The following CD300LD variants were observed in gnomAD, a reference collection of about 807,000 sequenced individuals.
CD300LD encodes CMRF35-like molecule 5.
A neutral mutation model predicts 20.3 loss-of-function variants in CD300LD; 18 were observed. That is an observed-to-expected ratio of 0.89 (90% CI 0.61 to 1.32). CD300LD has a LOEUF of 1.32. CD300LD is among the 40% of genes most tolerant of loss of function. The pLI is 0.00. For missense variants in CD300LD, 195 were observed against 226.6 expected (o/e 0.86, Z 0.90); for synonymous variants, 104 against 90.1 (o/e 1.15, Z -0.87).
In CD300LD at chr17:74,579,758, G is replaced by A; in HGVS notation, c.*244C>T. 3.7e-6 allele frequency: 1 copy of A among 269,346 alleles called. No homozygotes were observed. The highest frequency in any genetic ancestry group is 7.3e-6 in the Non-Finnish European group (1 of 137,858). The allele number at this position is 269,346 out of a possible 1,614,324, so 16.7% of individuals were successfully genotyped here. ...AAATTAGCTGGGGGTGGTGGCATGT[G>A]CCTGTAGCCCCAGCTACTCTGGAGG... On this transcript the variant is annotated 3_prime_UTR_variant, in exon 4 of 4. Transcript: ENST00000375352.
Position 74,591,250 on chromosome 17 carries a change from CAA to C in CD300LD, c.40+911_40+912del, listed in dbSNP as rs1210132799. Among the ~76,000 whole-genome samples, 12 of 33,898 alleles carry C rather than the reference CAA, an allele frequency of 3.5e-4. No homozygotes were observed. In the South Asian group the frequency reaches 8.3e-3, roughly 23 times the overall value. The allele number at this position is 33,898 out of a possible 152,430, so 22.2% of individuals were successfully genotyped here. ...GCATGAAAGTGAGTCCTCATCTCTA[CAA>C]AAAAAAAAAAAATAAAAATAATAAT... On this transcript the variant is annotated intron_variant, in intron 1 of 3. Transcript: ENST00000375352.
chr17:74,586,375 C>T (rs186339395), intron 2 of CD300LD, among the ~76,000 whole-genome samples: 239 of 152,234 alleles, frequency 1.6e-3, no homozygotes, highest in African/African-American at 5.5e-3. Flanking sequence ...TACCGTCAGA[C>T]CTTTGGGCAG....
rs763882457 is a variant in CD300LD, at chr17:74,582,281, G to T, written c.410C>A (p.Thr137Asn). 66 of 1,613,686 alleles carry T rather than the reference G, an allele frequency of 4.1e-5. No homozygotes were observed. The Middle Eastern group carries it at 9.9e-4, about 24-fold the overall frequency. The change falls in exon 3 of 4, where the codon ACC becomes AAC. Residue 137 changes from threonine to asparagine, a missense_variant. Thr to Asn is a moderately conservative substitution (Grantham distance 65). Transcript: ENST00000375352. Reference protein sequence around the residue: ...GTQTAVSEWTTTTASLAFTAA... With the variant: ...GTQTAVSEWTNTTASLAFTAA... ...TGTGAAAGCCAGGCTTGCTGTTGTGGTTGTCCATTCTGAGACTGCAGTTTG... is the reference window on the plus strand; with the variant it reads ...TGTGAAAGCCAGGCTTGCTGTTGTGTTTGTCCATTCTGAGACTGCAGTTTG...
chr17:74,587,595 A>G (rs2030194887), intron 2 of CD300LD, among the ~76,000 whole-genome samples: 1 of 152,106 alleles, frequency 6.6e-6, no homozygotes, highest in Non-Finnish European at 1.5e-5. Flanking sequence ...TCTTAATATT[A>G]TCTGTGTTCT....
chr17:74,592,020 A>G, intron 1 of CD300LD, 143 bp downstream of exon 1: 1 of 1,568,264 alleles, frequency 6.4e-7, no homozygotes, highest in Non-Finnish European at 8.7e-7. Flanking sequence ...CAAAAACTTG[A>G]TTGCTATTTA....
chr17:74,587,137 G>A (rs55889138), intron 2 of CD300LD, among the ~76,000 whole-genome samples: 10,138 of 149,524 alleles, frequency 0.068, 458 homozygotes, highest in East Asian at 0.19. Context: ...CAACAAGAGC[G>A]AAACTCCATC....
At chr17:74,581,834 G>A (rs1281638931) in intron 3 of CD300LD, among the ~76,000 whole-genome samples, 36 of 151,320 alleles carry the variant, frequency 2.4e-4, no homozygotes, top group Non-Finnish European at 1.5e-5. Context: ...CACTTAGATG[G>A]GAAATCTTAT....
intron 2 of CD300LD, among the ~76,000 whole-genome samples, chr17:74,586,240 G>A (rs1218803333): frequency 6.6e-6 from 1 of 152,204 alleles, no homozygotes; most frequent in Non-Finnish European, 1.5e-5. Context: ...GAACTTCATT[G>A]CTCTACAATG....
chr17:74,581,682 C>G lies in CD300LD; in HGVS notation c.473+536G>C, dbSNP rs116249160. ...CTAGGAGCAGATGAGAGAGGTGTCT[C>G]TCCTAACCCACTAAAGGCCAAACCT... On this transcript the variant is annotated intron_variant, in intron 3 of 3. Transcript: ENST00000375352. Among the ~76,000 whole-genome samples the G allele has an allele frequency of 7.2e-3, 1,098 of 152,324 alleles. 10 individuals carry two copies. The highest frequency in any genetic ancestry group is 0.025 in the African/African-American group (1,041 of 41,562).
Position 74,579,916 on chromosome 17 carries a change from T to C in CD300LD, c.*86A>G. 1.3e-6 allele frequency: 1 copy of C among 751,606 alleles called. No homozygotes were observed. Among genetic ancestry groups the C allele is most frequent in the South Asian group, 1.6e-5 (1 of 61,938 alleles). The allele number at this position is 751,606 out of a possible 1,614,324, so 46.6% of individuals were successfully genotyped here. A position where few individuals can be genotyped will look rare whatever the true frequency, so the allele number is the denominator to read the frequency against. ...GAAAAAAAGAAGAGAAAAGAAAATG[T>C]TTTTTCTTCTGTGGGAGGGCCTTTC... On this transcript the variant is annotated 3_prime_UTR_variant, in exon 4 of 4. Coordinates refer to ENST00000375352, the MANE Select transcript of CD300LD (RefSeq NM_001115152.2).
At chr17:74,582,091 A>C in intron 3 of CD300LD, 127 bp downstream of exon 3, 1 of 645,184 alleles carries the variant, frequency 1.5e-6, no homozygotes, top group South Asian at 2.1e-5. Flanking sequence ...ATGCTAAAAA[A>C]TGTTTTGTTG....
intron 3 of CD300LD, 82 bp downstream of exon 3, chr17:74,582,136 T>C (rs2030048582): frequency 8.4e-6 from 9 of 1,068,376 alleles, no homozygotes; most frequent in African/African-American, 1.6e-5. Flanking sequence ...GGGCATGCTA[T>C]TGTTGTATCT....
Position 74,582,240 on chromosome 17 carries a change from T to G in CD300LD, c.451A>C (p.Lys151Gln), listed in dbSNP as rs2030053120. ...SLAFTAAATQKTSSPLTRSPL... is the reference protein window; with the variant it reads ...SLAFTAAATQQTSSPLTRSPL... ...TACCTGGTGAGGGGGCTGCTGGTCT[T>G]CTGGGTGGCTGCAGCTGTGAAAGCC... The change falls in exon 3 of 4, where the codon AAG becomes CAG. Residue 151 changes from lysine (K) to glutamine (Q), a missense_variant. Lys to Gln is a moderately conservative substitution (Grantham distance 53, BLOSUM62 1). Transcript: ENST00000375352. 1 of 1,613,732 alleles carries G rather than the reference T, an allele frequency of 6.2e-7. No homozygotes were observed. Among genetic ancestry groups the G allele is most frequent in the South Asian group, 1.1e-5 (1 of 91,058 alleles).
chr17:74,584,337 T>C (rs951982174), intron 2 of CD300LD, among the ~76,000 whole-genome samples: 5 of 152,162 alleles, frequency 3.3e-5, no homozygotes, highest in African/African-American at 7.2e-5. Flanking sequence ...TTTCCAACAC[T>C]TGGTGTCAAG....
chr17:74,588,319 C>T (rs1244867170), intron 2 of CD300LD, among the ~76,000 whole-genome samples, 192 bp downstream of exon 2: 4 of 152,178 alleles, frequency 2.6e-5, no homozygotes, highest in Non-Finnish European at 5.9e-5. Flanking sequence ...TCTCTCAATA[C>T]TGCCACATTG....
intron 2 of CD300LD, among the ~76,000 whole-genome samples, chr17:74,585,552 C>T (rs976887503): frequency 6.6e-6 from 1 of 152,130 alleles, no homozygotes; most frequent in Non-Finnish European, 1.5e-5. Context: ...CTGGAAAGCC[C>T]TTAGGACCTT....
chr17:74,580,962 G>A (rs929691945), intron 3 of CD300LD, among the ~76,000 whole-genome samples: 16 of 151,612 alleles, frequency 1.1e-4, no homozygotes, highest in African/African-American at 3.2e-4. Flanking sequence ...CCAGAATGCC[G>A]GATGAGCCCT....
chr17:74,587,751 C>G (rs2030199295), intron 2 of CD300LD, among the ~76,000 whole-genome samples: 1 of 152,046 alleles, frequency 6.6e-6, no homozygotes, highest in Non-Finnish European at 1.5e-5. Context: ...ATTGGGGTCT[C>G]TGGTTACCAG....
intron 3 of CD300LD, among the ~76,000 whole-genome samples, chr17:74,581,710 A>G (rs1314597462): frequency 6.6e-6 from 1 of 152,206 alleles, no homozygotes; most frequent in South Asian, 2.1e-4. Flanking sequence ...CCAAACCTCG[A>G]TATGCCCTCT....
Sources: gnomAD v4.1 joint callset for allele counts (sites outside exome capture counted in the v4.1 genomes callset) on GRCh38, gnomAD v4.1.1 for gene constraint, MANE v1.5 for transcripts, NCBI Gene and HGNC (gene_info 2026-07-23, HGNC 2026-07-21) for gene names.